Variants in COL18A1 observed in about 807,000 individuals in gnomAD.
COL18A1 encodes collagen alpha-1(XVIII) chain.
In COL18A1, 133 loss-of-function variants were observed where a neutral mutation model predicts 168.0. The observed-to-expected ratio is 0.79, with a 90% CI of 0.69 to 0.91. The LOEUF (loss-of-function observed/expected upper bound fraction) is 0.91, where lower values mean the gene tolerates loss of function less well. Ranked by LOEUF, COL18A1 falls within the 40% of genes least tolerant of loss-of-function variation. The pLI is 0.00. For synonymous variants in COL18A1, 949 were observed against 809.0 expected (o/e 1.17, Z -2.94); for missense variants, 2,126 against 1,925.4 (o/e 1.10, Z -1.95).
At chr21:45,437,829 CAG>C (rs1491488217) in intron 2 of COL18A1, among the ~76,000 whole-genome samples, 2 of 64,984 alleles carry the variant, frequency 3.1e-5, no homozygotes, top group Non-Finnish European at 5.3e-5. Flanking sequence ...CACTCACACT[CAG>C]ACAAGCACTC....
intron 2 of COL18A1, chr21:45,408,187 A>G (rs993714098): frequency 6.6e-6 from 1 of 152,288 alleles, no homozygotes; most frequent in Non-Finnish European, 1.5e-5. Context: ...GGCGCCAGAC[A>G]CTGGGGGCCA....
At chr21:45,493,361 C>T (rs994267678) in intron 25 of COL18A1, 136 bp downstream of exon 25, 15 of 1,279,648 alleles carry the variant, frequency 1.2e-5, no homozygotes, top group South Asian at 3.8e-5. Flanking sequence ...CATCCCTGCT[C>T]GGGCCGTCCC....
chr21:45,497,514 A>C, intron 31 of COL18A1, 85 bp from the exon 32 acceptor site: 2 of 1,509,592 alleles, frequency 1.3e-6, no homozygotes, highest in Non-Finnish European at 1.8e-6. Context: ...GCCCCCAGGC[A>C]CTAGGGCATT....
intron 2 of COL18A1, among the ~76,000 whole-genome samples, chr21:45,445,751 T>TGG: frequency 1.3e-5 from 2 of 152,384 alleles, no homozygotes; most frequent in Non-Finnish European, 2.9e-5. Context: ...TATTTCTTCT[T>TGG]TGGAGAAATG....
At chr21:45,510,492 GC>G (rs950172710) in intron 40 of COL18A1, among the ~76,000 whole-genome samples, 2 of 152,178 alleles carry the variant, frequency 1.3e-5, no homozygotes, top group South Asian at 2.1e-4. Context: ...ATCCCATGAG[GC>G]CCCCCCGTGG....
At chr21:45,503,757 G>GTA (rs2037007496) in intron 32 of COL18A1, among the ~76,000 whole-genome samples, 2 of 151,834 alleles carry the variant, frequency 1.3e-5, no homozygotes, top group Non-Finnish European at 2.9e-5. Context: ...TGCACATCAT[G>GTA]CACATGTACC....
intron 2 of COL18A1, among the ~76,000 whole-genome samples, chr21:45,453,389 G>T (rs1460769909): frequency 6.6e-6 from 1 of 152,198 alleles, no homozygotes; most frequent in Admixed American, 6.5e-5. Flanking sequence ...ATACATATAT[G>T]TGTGCATATG....
rs1383238784 is a variant in COL18A1, at chr21:45,457,415, G to A, written c.107-10827G>A. Among the ~76,000 whole-genome samples, 1 of 152,186 alleles carries A rather than the reference G, an allele frequency of 6.6e-6. No homozygotes were observed. ...CAGGGAGGTCTGCAGGGCCCGTCCTGAGAGGGAGCCTTTCATGTCCCCCTC... is the reference window on the plus strand; with the variant it reads ...CAGGGAGGTCTGCAGGGCCCGTCCTAAGAGGGAGCCTTTCATGTCCCCCTC... On this transcript the variant is annotated intron_variant, in intron 2 of 41. Coordinates refer to ENST00000651438, the MANE Select transcript of COL18A1 (RefSeq NM_001379500.1). The surrounding 1 kb of genome is among the most constrained non-coding windows in gnomAD (Gnocchi z 4.6).
Position 45,468,290 on chromosome 21 carries a change from C to T in COL18A1, c.155C>T (p.Pro52Leu), listed in dbSNP as rs529544471. Reference sequence around the variant, plus strand: ...CTGCTGCAGCTCCTTGGGGACCCCCCGCCCCAGCAGGTCACCCAGACGGAT... The same window carrying T: ...CTGCTGCAGCTCCTTGGGGACCCCCTGCCCCAGCAGGTCACCCAGACGGAT... ...VGLLQLLGDPPPQQVTQTDDP... is the reference protein window; with the variant it reads ...VGLLQLLGDPLPQQVTQTDDP... Residue 52 changes from proline (P) to leucine (L), a missense_variant, in exon 3 of 42, where the codon CCG becomes CTG. Pro to Leu is a moderately conservative substitution (Grantham distance 98). Transcript: ENST00000651438. The T allele has an allele frequency of 1.5e-5, 25 of 1,613,234 alleles. No individual in the cohort carries two copies. The highest frequency in any genetic ancestry group is 2.7e-5 in the African/African-American group (2 of 75,070).
intron 31 of COL18A1, among the ~76,000 whole-genome samples, 200 bp from the exon 32 acceptor site, chr21:45,497,399 G>A (rs2036579436): frequency 6.6e-6 from 1 of 152,228 alleles, no homozygotes; most frequent in Non-Finnish European, 1.5e-5. Flanking sequence ...CTGCAGGTGT[G>A]GCCTGGCCCC....
At position 45,493,578 on chromosome 21, in the gene COL18A1, G is replaced by T; in HGVS notation, c.2352+3G>T. ...GCCCTGCCCAGAAAGGAGCCAAGGT[G>T]AGGGCCGGGCAGCCTCCTTCCGGCA... On this transcript the variant is annotated splice_donor_region_variant and intron_variant, in intron 26 of 41. Coordinates refer to ENST00000651438, the MANE Select transcript of COL18A1 (RefSeq NM_001379500.1). 1.9e-6 allele frequency: 3 copies of T among 1,550,822 alleles called. No homozygotes were observed. The highest frequency in any genetic ancestry group is 2.6e-6 in the Non-Finnish European group (3 of 1,147,236).
At chr21:45,478,694 C>T (rs998644505) in intron 9 of COL18A1, among the ~76,000 whole-genome samples, 1 of 152,012 alleles carries the variant, frequency 6.6e-6, no homozygotes, top group Non-Finnish European at 1.5e-5. Context: ...GGGAGGGAAG[C>T]ACGGGGCGAC....
intron 32 of COL18A1, 99 bp downstream of exon 32, chr21:45,497,760 C>T (rs763130911): frequency 1.3e-6 from 2 of 1,497,530 alleles, no homozygotes; most frequent in Non-Finnish European, 1.8e-6. Flanking sequence ...GTCCTGGACC[C>T]TCACTGGGTG....
intron 26 of COL18A1, 169 bp from the exon 27 acceptor site, chr21:45,494,376 C>CT: frequency 1.1e-6 from 1 of 924,580 alleles, no homozygotes; most frequent in East Asian, 2.6e-5. Flanking sequence ...CTGCCTGCGC[C>CT]TTGGGGACGG....
intron 2 of COL18A1, among the ~76,000 whole-genome samples, chr21:45,464,464 C>T (rs1313492045): frequency 6.6e-6 from 1 of 152,126 alleles, no homozygotes; most frequent in African/African-American, 2.4e-5. Flanking sequence ...CGTGTCCATC[C>T]CCCCATGGGT....
chr21:45,475,709 G>A (rs1177357738), intron 5 of COL18A1, among the ~76,000 whole-genome samples, 174 bp downstream of exon 5: 1 of 152,154 alleles, frequency 6.6e-6, no homozygotes, highest in Non-Finnish European at 1.5e-5. Context: ...CTCGGAGCCT[G>A]GGCACAGGCC....
At chr21:45,418,589 C>T (rs2033517233) in intron 2 of COL18A1, among the ~76,000 whole-genome samples, 1 of 152,086 alleles carries the variant, frequency 6.6e-6, no homozygotes, top group Non-Finnish European at 1.5e-5. Flanking sequence ...GCGGTTCCCA[C>T]CTGCTCTGCA....
chr21:45,434,312 G>T (rs529199801), intron 2 of COL18A1, among the ~76,000 whole-genome samples: 2 of 152,316 alleles, frequency 1.3e-5, no homozygotes, highest in African/African-American at 4.8e-5. Context: ...CAGGCGGCCC[G>T]TGCTGGGACG....
chr21:45,505,479 T>TGGTTCTGCAGCCCCTGCCC, intron 36 of COL18A1, 48 bp downstream of exon 36: 1 of 987,240 alleles, frequency 1.0e-6, no homozygotes. Context: ...GTGCCCTGGC[T>TGGTTCTGCAGCCCCTGCCC]GGTTCTGCAG....
Sources: gnomAD v4.1 joint callset for allele counts (sites outside exome capture counted in the v4.1 genomes callset) on GRCh38, gnomAD v4.1.1 for gene constraint, Gnocchi (gnomAD v3.1) non-coding constraint, MANE v1.5 for transcripts, NCBI Gene and HGNC (gene_info 2026-07-23, HGNC 2026-07-21) for gene names.